Variants in STAB2 observed in about 807,000 individuals in gnomAD.
The protein encoded by STAB2 is stabilin 2, also known as stabilin-2.
A neutral mutation model predicts 338.1 loss-of-function variants in STAB2; 288 were observed. The observed-to-expected ratio is 0.85, with a 90% confidence interval of 0.77 to 0.94. STAB2 has a LOEUF of 0.94. Among genes scored for constraint, STAB2 ranks in the 40% least tolerant of loss-of-function variants. STAB2 has a pLI of 0.00. For synonymous variants in STAB2, 1,202 were observed against 1,193.3 expected (o/e 1.01, Z -0.15); for missense variants, 3,141 against 3,210.1 (o/e 0.98, Z 0.52).
intron 44 of STAB2, among the ~76,000 whole-genome samples, chr12:103,723,817 G>A (rs972374779): frequency 2.0e-5 from 3 of 152,162 alleles, no homozygotes; most frequent in Non-Finnish European, 2.9e-5. Context: ...GAATGCTGGG[G>A]AGAAAGAAGT....
At chr12:103,621,530 C>T (rs1957301892) in intron 4 of STAB2, among the ~76,000 whole-genome samples, 1 of 152,086 alleles carries the variant, frequency 6.6e-6, no homozygotes, top group African/African-American at 2.4e-5. Flanking sequence ...GCCAGGAGTT[C>T]GAGACCAACC....
Position 103,706,949 on chromosome 12 carries a change from C to G in STAB2, c.4154C>G (p.Thr1385Ser). ...GEGFSGTACE[T>S]CTEGKYGIHC... The stretch of plus-strand genomic sequence containing the variant: ...GGCTTCAGCGGCACAGCCTGCGAGA[C>G]CTGCACCGAGGGCAAGTACGGCATC... Residue 1385 changes from threonine (T) to serine (S), a missense_variant, in exon 38 of 69, where the codon ACC (threonine) becomes AGC (serine). Physicochemically the swap from Thr to Ser is moderately conservative, Grantham distance 58. Transcript: ENST00000388887. The G allele has an allele frequency of 1.2e-6, 2 of 1,614,168 alleles. No homozygotes were observed. Among genetic ancestry groups the G allele is most frequent in the Non-Finnish European group, 1.7e-6 (2 of 1,180,030 alleles).
Position 103,620,516 on chromosome 12 carries a change from C to CTG in STAB2, c.381_382dup (p.Glu128ValfsTer49). The CTG allele has an allele frequency of 6.3e-7, 1 of 1,582,214 alleles. No homozygotes were observed. Among genetic ancestry groups the CTG allele is most frequent in the Middle Eastern group, 1.7e-4 (1 of 6,014 alleles). On this transcript the variant is annotated frameshift_variant, in exon 4 of 69. Coordinates refer to ENST00000388887, the MANE Select transcript of STAB2 (RefSeq NM_017564.10). LOFTEE classifies it high-confidence loss of function. ...CCCTGCAATGGCAGAGGCAGTTGTGCTGAAGGCATGGAAGGAAATGGAACC... is the reference window on the plus strand; with the variant it reads ...CCCTGCAATGGCAGAGGCAGTTGTGCTGTGAAGGCATGGAAGGAAATGGAACC...
intron 11 of STAB2, 132 bp from the exon 12 acceptor site, chr12:103,652,424 G>T: frequency 2.9e-6 from 2 of 687,596 alleles, no homozygotes; most frequent in South Asian, 5.4e-5. Context: ...TCATGCATTT[G>T]TATTTGCAAA....
intron 28 of STAB2, 86 bp downstream of exon 28, chr12:103,688,301 C>T: frequency 1.5e-6 from 2 of 1,341,434 alleles, no homozygotes; most frequent in Non-Finnish European, 2.1e-6. Flanking sequence ...GAAAATGCAG[C>T]TGGTAAGGAG....
chr12:103,731,163 C>T (rs1881609007), intron 49 of STAB2, among the ~76,000 whole-genome samples: 2 of 152,206 alleles, frequency 1.3e-5, no homozygotes, highest in Admixed American at 1.3e-4. Flanking sequence ...CTGGCTGTCA[C>T]AGCTCTGTGA....
intron 5 of STAB2, among the ~76,000 whole-genome samples, chr12:103,628,743 CA>C (rs143540971): frequency 0.027 from 4,124 of 152,240 alleles, 165 homozygotes; most frequent in African/African-American, 0.091. Flanking sequence ...CACCTTACTC[CA>C]GTATGACCTC....
intron 63 of STAB2, among the ~76,000 whole-genome samples, chr12:103,757,743 T>C (rs1459444258): frequency 1.3e-5 from 2 of 152,182 alleles, no homozygotes; most frequent in South Asian, 2.1e-4. Flanking sequence ...AGGCCCCATA[T>C]GGCTGGAACA....
At chr12:103,629,812 T>C (rs898999154) in intron 5 of STAB2, among the ~76,000 whole-genome samples, 1 of 152,220 alleles carries the variant, frequency 6.6e-6, no homozygotes. Context: ...TAGATTTTGA[T>C]CTCTTTGATG....
chr12:103,635,922 G>A (rs987723580), intron 6 of STAB2, among the ~76,000 whole-genome samples: 2 of 152,170 alleles, frequency 1.3e-5, no homozygotes, highest in African/African-American at 4.8e-5. Context: ...AGTGACTAAC[G>A]CCATGCTTTT....
chr12:103,647,591 C>A (rs1046694530), intron 9 of STAB2, among the ~76,000 whole-genome samples: 2 of 152,190 alleles, frequency 1.3e-5, no homozygotes, highest in Non-Finnish European at 2.9e-5. Context: ...TTGTGGTCTG[C>A]TATAGCCAGA....
At chr12:103,751,332 A>G (rs1055826359) in intron 60 of STAB2, among the ~76,000 whole-genome samples, 1 of 152,138 alleles carries the variant, frequency 6.6e-6, no homozygotes, top group African/African-American at 2.4e-5. Flanking sequence ...AGCCATGAGG[A>G]AGACACATGA....
intron 22 of STAB2, among the ~76,000 whole-genome samples, chr12:103,671,944 C>T (rs1180858471): frequency 6.6e-6 from 1 of 152,146 alleles, no homozygotes; most frequent in Non-Finnish European, 1.5e-5. Flanking sequence ...ATCCTGAAGT[C>T]CCCACACTCC....
At chr12:103,592,045 T>C (rs1231337221) in intron 2 of STAB2, 1 of 152,160 alleles carries the variant, frequency 6.6e-6, no homozygotes. Flanking sequence ...TATTCTAAAA[T>C]CAAAATCATC....
intron 3 of STAB2, among the ~76,000 whole-genome samples, chr12:103,599,004 G>A (rs1012968430): frequency 1.3e-5 from 2 of 152,216 alleles, no homozygotes; most frequent in Non-Finnish European, 2.9e-5. Context: ...CCTGCCCAAA[G>A]AGAACCAGCT....
intron 5 of STAB2, among the ~76,000 whole-genome samples, chr12:103,625,798 GAAT>G (rs1812057081): frequency 6.6e-6 from 1 of 152,182 alleles, no homozygotes; most frequent in Admixed American, 6.5e-5. Context: ...TTGCTATCGT[GAAT>G]AGTGCCGCAA....
intron 39 of STAB2, 60 bp from the exon 40 acceptor site, chr12:103,711,411 A>G: frequency 1.2e-6 from 2 of 1,608,838 alleles, no homozygotes; most frequent in Non-Finnish European, 1.7e-6. Flanking sequence ...ACAAAATACT[A>G]AAAATCCTCA....
intron 41 of STAB2, among the ~76,000 whole-genome samples, chr12:103,712,926 A>T (rs1182779764): frequency 2.0e-5 from 3 of 152,172 alleles, no homozygotes; most frequent in Non-Finnish European, 2.9e-5. Context: ...TTTGTAAAGT[A>T]AACTTAAAAC....
chr12:103,635,128 C>T (rs1957523766), intron 6 of STAB2, among the ~76,000 whole-genome samples: 1 of 152,226 alleles, frequency 6.6e-6, no homozygotes, highest in Non-Finnish European at 1.5e-5. Context: ...ACACTGACTG[C>T]TCTTTGTTCC....
Sources: gnomAD v4.1 joint callset for allele counts (sites outside exome capture counted in the v4.1 genomes callset) on GRCh38, gnomAD v4.1.1 for gene constraint, MANE v1.5 for transcripts, NCBI Gene and HGNC (gene_info 2026-07-23, HGNC 2026-07-21) for gene names.